Variants in AK8 observed in about 807,000 individuals in gnomAD.
The protein encoded by AK8 is ATP-AMP transphosphorylase 8.
In AK8, 44 loss-of-function variants were observed where a neutral mutation model predicts 54.6. That is an observed-to-expected ratio of 0.81 (90% CI 0.63 to 1.04). The LOEUF (loss-of-function observed/expected upper bound fraction) is 1.04, where lower values mean the gene tolerates loss of function less well. Ranked by LOEUF, AK8 falls within the 50% of genes least tolerant of loss-of-function variation. The pLI is 0.00. For missense variants in AK8, 555 were observed against 613.6 expected (o/e 0.90, Z 1.01); for synonymous variants, 239 against 245.6 (o/e 0.97, Z 0.25).
chr9:132,799,624 C>T lies in AK8; in HGVS notation c.980-6849G>A, dbSNP rs1174900153. On this transcript the variant is annotated intron_variant, in intron 10 of 12. Coordinates refer to ENST00000298545, the MANE Select transcript of AK8 (RefSeq NM_152572.3). This position sits in a 1 kb window ranked among gnomAD's most constrained non-coding sequence, Gnocchi z 5.0. ...ACACACACACACACACCACACACCC[C>T]CACACCCCTACACCCCACCACGTGC... Among the ~76,000 whole-genome samples the T allele has an allele frequency of 6.6e-6, 1 of 151,766 alleles. No individual in the cohort carries two copies. The highest frequency in any genetic ancestry group is 2.1e-4 in the South Asian group (1 of 4,794).
intron 10 of AK8, among the ~76,000 whole-genome samples, chr9:132,813,358 G>A (rs1841169086): frequency 6.6e-6 from 1 of 152,188 alleles, no homozygotes; most frequent in African/African-American, 2.4e-5. Flanking sequence ...GGATGGCTGG[G>A]AGGACAGAGC....
intron 5 of AK8, among the ~76,000 whole-genome samples, chr9:132,850,054 AT>A (rs779350912): frequency 0.037 from 3,722 of 101,254 alleles, 48 homozygotes; most frequent in African/African-American, 0.064. Flanking sequence ...ACCCTAGTAC[AT>A]TTTTTTTTTT....
At chr9:132,849,207 C>T (rs1440741505) in intron 5 of AK8, among the ~76,000 whole-genome samples, 3 of 151,976 alleles carry the variant, frequency 2.0e-5, no homozygotes, top group African/African-American at 7.3e-5. Context: ...TACGCCCAGC[C>T]GGAAGTTTGC....
Position 132,799,989 on chromosome 9 carries a change from G to A in AK8, c.980-7214C>T, listed in dbSNP as rs1348137684. Among the ~76,000 whole-genome samples the A allele has an allele frequency of 6.6e-6, 1 of 152,230 alleles. No individual in the cohort carries two copies. The highest frequency in any genetic ancestry group is 2.4e-5 in the African/African-American group (1 of 41,454). On this transcript the variant is annotated intron_variant, in intron 10 of 12. Transcript: ENST00000298545. The surrounding 1 kb of genome is among the most constrained non-coding windows in gnomAD (Gnocchi z 5.0). ...CTTACAAAAGGAACAGGACTGTGGA[G>A]GAGGAAAAGGGGTTGCTTTTGGTTT...
intron 11 of AK8, among the ~76,000 whole-genome samples, chr9:132,731,459 G>C (rs1836842162): frequency 6.6e-6 from 1 of 152,152 alleles, no homozygotes; most frequent in South Asian, 2.1e-4. Flanking sequence ...CCTGCCCTCA[G>C]TGTTGGCACA....
chr9:132,852,792 A>AAAAG (rs1314476223), intron 5 of AK8, among the ~76,000 whole-genome samples: 4 of 149,790 alleles, frequency 2.7e-5, no homozygotes, highest in African/African-American at 9.8e-5. Context: ...AAAAAAAAAA[A>AAAAG]AAAGAAAGAA....
chr9:132,854,310 G>T (rs1353625286), intron 5 of AK8, among the ~76,000 whole-genome samples: 1 of 152,214 alleles, frequency 6.6e-6, no homozygotes, highest in Non-Finnish European at 1.5e-5. Context: ...GGTGTGCAAA[G>T]CCCTCCTGTG....
chr9:132,876,588 A>G (rs1212032413), intron 1 of AK8, among the ~76,000 whole-genome samples: 1 of 152,230 alleles, frequency 6.6e-6, no homozygotes, highest in African/African-American at 2.4e-5. Flanking sequence ...AGGTAATCCT[A>G]TTGTACCAAT....
intron 4 of AK8, among the ~76,000 whole-genome samples, chr9:132,855,696 G>A (rs1294326311): frequency 3.9e-5 from 6 of 152,370 alleles, no homozygotes; most frequent in Admixed American, 3.9e-4. Flanking sequence ...TCAACAAGCA[G>A]CAATCATGAC....
chr9:132,856,960 T>G (rs546862856), intron 4 of AK8, among the ~76,000 whole-genome samples: 9 of 152,260 alleles, frequency 5.9e-5, no homozygotes, highest in African/African-American at 2.2e-4. Flanking sequence ...TCACCATGTT[T>G]CTACGAGGTA....
rs1159977046 is a variant in AK8 at position 132,792,786 on chromosome 9, G to C, written c.980-11C>G. The C allele has an allele frequency of 9.6e-6, 15 of 1,556,696 alleles. No homozygotes were observed. The highest frequency in any genetic ancestry group is 1.3e-5 in the Non-Finnish European group (15 of 1,150,002). On this transcript the variant is annotated splice_polypyrimidine_tract_variant and intron_variant, in intron 10 of 12. Coordinates refer to ENST00000298545, the MANE Select transcript of AK8 (RefSeq NM_152572.3). The stretch of plus-strand genomic sequence containing the variant: ...GGAGGCTGTCAGGAACTGCAGAGAA[G>C]GGGGGCAAGTGAGTACCCTGCTGGC...
At position 132,747,856 on chromosome 9, in the gene AK8, C is replaced by T. The variant is rs536923453; in HGVS notation, c.1122-20322G>A. On this transcript the variant is annotated intron_variant, in intron 11 of 12. Transcript: ENST00000298545. ...ACAGGCTGGGCGTGGTGGCTCACAC[C>T]TGTAATCCCAGCACTTTGGGAGGCC... 1.9e-4 allele frequency among the ~76,000 whole-genome samples: 28 copies of T among 150,610 alleles called. 1 individual carries two copies. The South Asian group carries it at 5.5e-3, about 29-fold the overall frequency.
intron 5 of AK8, among the ~76,000 whole-genome samples, chr9:132,831,671 C>T (rs997233495): frequency 4.6e-5 from 7 of 152,296 alleles, no homozygotes; most frequent in African/African-American, 1.7e-4. Context: ...CTGACATGGA[C>T]GGACTCAGCC....
At chr9:132,825,712 G>A (rs941967025) in intron 8 of AK8, among the ~76,000 whole-genome samples, 2 of 152,196 alleles carry the variant, frequency 1.3e-5, no homozygotes, top group African/African-American at 4.8e-5. Flanking sequence ...TCTACCAGCA[G>A]GAGAAGGTGC....
rs573195791 is a variant in AK8 at position 132,742,169 on chromosome 9, C to CTT, written c.1122-14637_1122-14636dup. Among the ~76,000 whole-genome samples the CTT allele has an allele frequency of 1.0e-3, 129 of 126,576 alleles. 1 individual carries two copies. Among genetic ancestry groups the CTT allele is most frequent in the African/African-American group, 1.9e-3 (63 of 33,432 alleles). 83.0% of individuals were successfully genotyped at this position (126,576 alleles called of 152,430 possible). On this transcript the variant is annotated intron_variant, in intron 11 of 12. Transcript: ENST00000298545. Reference sequence around the variant, plus strand: ...GCATCCACGAGTTGATGGACTTGGACTTTTTTTTTTTTTTTTTTTGAGAGA... The same window carrying CTT: ...GCATCCACGAGTTGATGGACTTGGACTTTTTTTTTTTTTTTTTTTTTGAGAGA...
intron 9 of AK8, among the ~76,000 whole-genome samples, chr9:132,815,496 C>T (rs561649979): frequency 2.0e-5 from 3 of 151,844 alleles, no homozygotes; most frequent in Non-Finnish European, 4.4e-5. Flanking sequence ...GAGGTTGCAG[C>T]GAGCCAAGAT....
chr9:132,798,892 C>T (rs1437200243), intron 10 of AK8, among the ~76,000 whole-genome samples: 1 of 152,206 alleles, frequency 6.6e-6, no homozygotes, highest in Non-Finnish European at 1.5e-5. Context: ...GTCCCACCCT[C>T]CTGTCTCGAA....
intron 12 of AK8, among the ~76,000 whole-genome samples, chr9:132,727,132 A>G (rs2130926196): frequency 6.6e-6 from 1 of 152,200 alleles, no homozygotes; most frequent in South Asian, 2.1e-4. Flanking sequence ...TGGCTCAAGG[A>G]AAGGCCAGTG....
intron 10 of AK8, among the ~76,000 whole-genome samples, chr9:132,802,926 T>C (rs1421860062): frequency 6.6e-6 from 1 of 152,140 alleles, no homozygotes; most frequent in Non-Finnish European, 1.5e-5. Context: ...CAAGAGATAC[T>C]TGGGGGACAT....
Sources: gnomAD v4.1 joint callset for allele counts (sites outside exome capture counted in the v4.1 genomes callset) on GRCh38, gnomAD v4.1.1 for gene constraint, Gnocchi (gnomAD v3.1) non-coding constraint, MANE v1.5 for transcripts, NCBI Gene and HGNC (gene_info 2026-07-23, HGNC 2026-07-21) for gene names.